Variants in MEGF10 observed in about 807,000 individuals in gnomAD.
MEGF10 encodes the protein multiple epidermal growth factor-like domains protein 10.
In MEGF10, 86 loss-of-function variants were observed where a neutral mutation model predicts 147.5. The ratio of observed to expected loss-of-function variants is 0.58; its 90% CI spans 0.49 to 0.70. MEGF10 has a LOEUF of 0.70. MEGF10 is among the 30% of genes least tolerant of loss of function. The pLI, the probability that MEGF10 is intolerant of heterozygous loss-of-function variation, is 0.00. For synonymous variants in MEGF10, 478 were observed against 525.5 expected, an observed-to-expected ratio of 0.91 and a Z score of 1.24; for missense variants, 1,329 against 1,487.3, an observed-to-expected ratio of 0.89 and a Z score of 1.75.
chr5:127,280,694 G>C, the MEGF10 span, among the ~76,000 whole-genome samples: 2 of 152,070 alleles, frequency 1.3e-5, no homozygotes, highest in Non-Finnish European at 2.9e-5. Flanking sequence ...CAGGCATGCT[G>C]GATCCCTGAT....
At chr5:127,273,237 A>C in the MEGF10 span, among the ~76,000 whole-genome samples, 1 of 152,156 alleles carries the variant, frequency 6.6e-6, no homozygotes, top group Admixed American at 6.5e-5. Flanking sequence ...CTGTGGGAGA[A>C]GTGTGGTTTC....
chr5:127,235,877 A>G, the MEGF10 span, among the ~76,000 whole-genome samples: 45 of 152,368 alleles, frequency 3.0e-4, no homozygotes, highest in African/African-American at 1.1e-3. Flanking sequence ...CTAAATAACA[A>G]TATACTAACA....
At position 127,433,402 on chromosome 5, in the gene MEGF10, G is replaced by T. The variant is rs777779079; in HGVS notation, c.1733G>T (p.Gly578Val). Residue 578 changes from glycine (G) to valine (V), a missense_variant, in exon 14 of 25, where the codon GGC (glycine) becomes GTC (valine). Physicochemically the swap from Gly to Val is moderately radical, Grantham distance 109 (BLOSUM62 -3). Around this residue, in one of 3 missense-constraint regions of MEGF10, gnomAD observed 980 missense variants for 1,085.9 expected, o/e 0.90. Transcript: ENST00000503335. ...AGCGTGTGTGCTGAGGGACGCTGGG[G>T]CCCCAACTGCTCCCTGCCCTGCTAC... Reference protein sequence around the residue: ...CDSVCAEGRWGPNCSLPCYCK... With the variant: ...CDSVCAEGRWVPNCSLPCYCK... 1 of 1,614,150 alleles carries T rather than the reference G, an allele frequency of 6.2e-7. No individual in the cohort carries two copies. The highest frequency in any genetic ancestry group is 8.5e-7 in the Non-Finnish European group (1 of 1,180,012).
At chr5:127,254,733 C>A in the MEGF10 span, among the ~76,000 whole-genome samples, 1 of 151,524 alleles carries the variant, frequency 6.6e-6, no homozygotes, top group South Asian at 2.1e-4. Context: ...ATTGCTTGAA[C>A]CCAGGAGGCG....
chr5:127,235,639 C>T, the MEGF10 span, among the ~76,000 whole-genome samples: 3 of 152,158 alleles, frequency 2.0e-5, no homozygotes, highest in African/African-American at 7.2e-5. Context: ...AAAACATGAA[C>T]AATTGTGGAT....
intron 5 of MEGF10, among the ~76,000 whole-genome samples, chr5:127,384,867 G>T (rs1320611761): frequency 2.0e-5 from 3 of 152,142 alleles, no homozygotes; most frequent in Non-Finnish European, 4.4e-5. Context: ...TTTTTAAAGT[G>T]CTTGATGTTT....
rs1448145196 is a variant in MEGF10 at position 127,339,143 on chromosome 5, C to A, written c.140C>A (p.Ser47Ter). The A allele has an allele frequency of 1.2e-6, 2 of 1,611,604 alleles. No homozygotes were observed. Among genetic ancestry groups the A allele is most frequent in the Non-Finnish European group, 1.7e-6 (2 of 1,178,230 alleles). ...WESYSVTVQE[S>*]YPHPFDQIYY... The stretch of plus-strand genomic sequence containing the variant: ...AGCTACTCAGTGACTGTGCAAGAGT[C>A]ATACCCACATCCCTTTGATCAAATT... Residue 47 changes from serine to a stop codon, truncating the protein, a stop_gained, in exon 3 of 25, where the codon TCA (serine) becomes TAA (stop). Transcript: ENST00000503335. LOFTEE classifies it high-confidence loss of function.
chr5:127,363,449 T>G (rs902017600), intron 4 of MEGF10, among the ~76,000 whole-genome samples: 6 of 152,214 alleles, frequency 3.9e-5, no homozygotes, highest in Non-Finnish European at 7.3e-5. Flanking sequence ...TTTTGCAGAT[T>G]CAGCCATGTC....
At chr5:127,391,322 T>C (rs1390802754) in intron 5 of MEGF10, among the ~76,000 whole-genome samples, 1 of 152,064 alleles carries the variant, frequency 6.6e-6, no homozygotes, top group Non-Finnish European at 1.5e-5. Flanking sequence ...ATTCCTGTAA[T>C]ACCAGCACTT....
At chr5:127,408,946 G>A (rs946380353) in intron 8 of MEGF10, among the ~76,000 whole-genome samples, 2 of 152,058 alleles carry the variant, frequency 1.3e-5, no homozygotes, top group African/African-American at 2.4e-5. Flanking sequence ...ACATGGTGGC[G>A]AGTGCCTGTG....
At chr5:127,355,235 GCAGACAGAGC>G (rs1212447203) in intron 4 of MEGF10, among the ~76,000 whole-genome samples, 2 of 152,026 alleles carry the variant, frequency 1.3e-5, no homozygotes, top group Admixed American at 6.6e-5. Context: ...GGAGTTTGAG[GCAGACAGAGC>G]CTTCTGTTTT....
At chr5:127,381,280 A>G (rs1003186644) in intron 5 of MEGF10, among the ~76,000 whole-genome samples, 7 of 152,244 alleles carry the variant, frequency 4.6e-5, no homozygotes, top group African/African-American at 1.7e-4. Flanking sequence ...GATGAGTCGA[A>G]TTTCATTAAT....
chr5:127,388,602 G>GT lies in MEGF10; in HGVS notation c.413-7929dup, dbSNP rs1183704208. Among the ~76,000 whole-genome samples, 15 of 151,402 alleles carry GT rather than the reference G, an allele frequency of 9.9e-5. No homozygotes were observed. The East Asian group carries it at 2.9e-3, about 29-fold the overall frequency. ...GCTCTGTCGCCCAGGCTGGAGTGCA[G>GT]TGGCGCGATCTCAGCTCACTGCAAA... On this transcript the variant is annotated intron_variant, in intron 5 of 24. Coordinates refer to ENST00000503335, the MANE Select transcript of MEGF10 (RefSeq NM_001256545.2).
At chr5:127,413,040 C>T (rs997071519) in intron 9 of MEGF10, among the ~76,000 whole-genome samples, 10 of 152,144 alleles carry the variant, frequency 6.6e-5, no homozygotes, top group African/African-American at 2.4e-4. Flanking sequence ...GCTAATACCC[C>T]TTTAGATAAG....
At chr5:127,408,486 A>G (rs1434762264) in intron 8 of MEGF10, among the ~76,000 whole-genome samples, 1 of 152,200 alleles carries the variant, frequency 6.6e-6, no homozygotes, top group Non-Finnish European at 1.5e-5. Context: ...AAGAAACTAA[A>G]TGACTTAGCT....
intron 1 of MEGF10, among the ~76,000 whole-genome samples, chr5:127,313,789 T>C (rs906912255): frequency 6.6e-6 from 1 of 152,164 alleles, no homozygotes; most frequent in African/African-American, 2.4e-5. Context: ...CCCAGATACA[T>C]TGGGGAAGAC....
intron 3 of MEGF10, 141 bp from the exon 4 acceptor site, chr5:127,340,389 T>C: frequency 1.8e-6 from 1 of 547,910 alleles, no homozygotes; most frequent in Non-Finnish European, 3.2e-6. Context: ...CAATAGGGAA[T>C]CTTAATATCT....
the MEGF10 span, among the ~76,000 whole-genome samples, chr5:127,250,159 A>C: frequency 6.6e-6 from 1 of 152,088 alleles, no homozygotes; most frequent in Non-Finnish European, 1.5e-5. Flanking sequence ...GGCTATGTTA[A>C]TATTGGGCAA....
the MEGF10 span, among the ~76,000 whole-genome samples, chr5:127,284,692 G>T: frequency 7.9e-6 from 1 of 126,994 alleles, no homozygotes; most frequent in Non-Finnish European, 1.9e-5. Flanking sequence ...TAAAAAAAAT[G>T]ATAACCTTCT....
Sources: allele counts gnomAD v4.1 joint callset (sites outside exome capture counted in the v4.1 genomes callset), GRCh38; gene constraint gnomAD v4.1.1; regional missense constraint gnomAD v4.1.1; transcripts MANE v1.5; gene names NCBI Gene and HGNC (gene_info 2026-07-23, HGNC 2026-07-21).